NID2: variants seen among roughly 807,000 people sequenced by gnomAD.
The protein encoded by NID2 is nidogen-2.
NID2 carries 83 observed loss-of-function variants against 145.4 expected under a neutral mutation model. That is an observed-to-expected ratio of 0.57 (90% CI 0.48 to 0.69). The LOEUF (loss-of-function observed/expected upper bound fraction) is 0.69. Ranked by LOEUF, NID2 falls within the 30% of genes least tolerant of loss-of-function variation. The pLI, the probability that NID2 is intolerant of heterozygous loss-of-function variation, is 0.00. For missense variants in NID2, 1,807 were observed against 1,765.7 expected, an observed-to-expected ratio of 1.02 and a Z score of -0.42; for synonymous variants, 739 against 701.3, an observed-to-expected ratio of 1.05 and a Z score of -0.85.
rs1321854286 is a variant in NID2, at chr14:52,010,612, A to G, written c.3722+264T>C. ...CCCTAGTTCTCACAACACTATCTGA[A>G]TTTTCTACATATCACATCACAGACT... is the stretch of plus-strand genomic sequence containing the variant. On this transcript the variant is annotated intron_variant, in intron 18 of 21. Coordinates refer to ENST00000216286, the MANE Select transcript of NID2 (RefSeq NM_007361.4). 9.0e-6 allele frequency: 3 copies of G among 331,624 alleles called. No homozygotes were observed. The Admixed American group carries it at 1.2e-4, about 13-fold the overall frequency. The allele number at this position is 331,624 out of a possible 1,614,324, so 20.5% of individuals were successfully genotyped here.
chr14:52,004,911 G>GTGCCTCTATA lies in NID2; in HGVS notation c.*574_*575insTATAGAGGCA, dbSNP rs1890697012. 1 of 161,840 alleles carries GTGCCTCTATA rather than the reference G, an allele frequency of 6.2e-6. No individual in the cohort carries two copies. Among genetic ancestry groups the GTGCCTCTATA allele is most frequent in the African/African-American group, 2.4e-5 (1 of 41,752 alleles). 10.0% of individuals were successfully genotyped at this position (161,840 alleles called of 1,614,324 possible). A position where few individuals can be genotyped will look rare whatever the true frequency, so the allele number is the denominator to read the frequency against. The stretch of plus-strand genomic sequence containing the variant: ...TTTACTTTCTGTGGGTACTTCTATA[G>GTGCCTCTATA]AGGCACTACAGGATCAGAAAATGCA... On this transcript the variant is annotated 3_prime_UTR_variant, in exon 22 of 22. Coordinates refer to ENST00000216286, the MANE Select transcript of NID2 (RefSeq NM_007361.4).
At position 52,005,308 on chromosome 14, in the gene NID2, T is replaced by TAAAG. The variant is rs1890723039; in HGVS notation, c.*174_*177dup. Reference sequence around the variant, plus strand: ...ACCTTCATTTTTAAAAATACAGTAGTAAAGATTGAGGTATCAGCTTTTCAC... The same window carrying TAAAG: ...ACCTTCATTTTTAAAAATACAGTAGTAAAGAAAGATTGAGGTATCAGCTTTTCAC... On this transcript the variant is annotated 3_prime_UTR_variant, in exon 22 of 22. Transcript: ENST00000216286. The TAAAG allele has an allele frequency of 2.2e-6, 1 of 458,858 alleles. No individual in the cohort carries two copies. Among genetic ancestry groups the TAAAG allele is most frequent in the African/African-American group, 2.0e-5 (1 of 49,932 alleles). The allele number at this position is 458,858 out of a possible 1,614,324, so 28.4% of individuals were successfully genotyped here. A position where few individuals can be genotyped will look rare whatever the true frequency, so the allele number is the denominator to read the frequency against.
In NID2 at chr14:52,057,703, CAAAAAAAAAAAAA is replaced by C. The variant is rs5808649; in HGVS notation, c.767+2408_767+2420del. Among the ~76,000 whole-genome samples, 470 of 89,640 alleles carry C rather than the reference CAAAAAAAAAAAAA, an allele frequency of 5.2e-3. 13 individuals are homozygous for C. In the Admixed American group the frequency reaches 0.053, roughly 10 times the overall value. The allele number at this position is 89,640 out of a possible 152,430, so 58.8% of individuals were successfully genotyped here. On this transcript the variant is annotated intron_variant, in intron 3 of 21. Coordinates refer to ENST00000216286, the MANE Select transcript of NID2 (RefSeq NM_007361.4). The stretch of plus-strand genomic sequence containing the variant: ...GGGCGACAAGAGCGAACCTCCGTCT[CAAAAAAAAAAAAA>C]AAAAAAAAAAAGAAAAGAAAAAAAT...
chr14:52,033,806 A>G (rs1304231374), intron 9 of NID2, among the ~76,000 whole-genome samples: 1 of 152,196 alleles, frequency 6.6e-6, no homozygotes, highest in Non-Finnish European at 1.5e-5. Flanking sequence ...AAAGACACAC[A>G]TTGCCTCTTT....
intron 18 of NID2, chr14:52,009,994 A>C (rs1566740490): frequency 6.6e-6 from 1 of 152,064 alleles, no homozygotes; most frequent in Non-Finnish European, 1.5e-5. Context: ...CTCAAAAAAA[A>C]GAAAAAAAAA....
intron 5 of NID2, among the ~76,000 whole-genome samples, chr14:52,053,218 C>G (rs1892733353): frequency 6.6e-6 from 1 of 152,246 alleles, no homozygotes; most frequent in Non-Finnish European, 1.5e-5. Flanking sequence ...CCGTCCATCA[C>G]TGGAATGTGT....
intron 3 of NID2, among the ~76,000 whole-genome samples, chr14:52,059,830 T>C (rs1892966702): frequency 6.6e-6 from 1 of 152,246 alleles, no homozygotes; most frequent in African/African-American, 2.4e-5. Context: ...GATATTTTTA[T>C]GTGGTTCCAA....
At chr14:52,037,479 T>C (rs1892114838) in intron 9 of NID2, among the ~76,000 whole-genome samples, 1 of 152,184 alleles carries the variant, frequency 6.6e-6, no homozygotes, top group Non-Finnish European at 1.5e-5. Context: ...AATTGACTTT[T>C]AATGTGAGTA....
intron 2 of NID2, among the ~76,000 whole-genome samples, chr14:52,063,933 T>C (rs1055695555): frequency 2.0e-5 from 3 of 152,210 alleles, no homozygotes; most frequent in African/African-American, 7.2e-5. Context: ...TCCTTCCTGA[T>C]ACTCTTCAGC....
intron 5 of NID2, among the ~76,000 whole-genome samples, chr14:52,044,437 T>C (rs1017443431): frequency 9.9e-5 from 15 of 152,024 alleles, no homozygotes; most frequent in Middle Eastern, 3.4e-3. Context: ...GCCTGACTAA[T>C]TTTTTGTATT....
chr14:52,035,881 T>TA (rs1294844874), intron 9 of NID2, among the ~76,000 whole-genome samples: 2 of 49,528 alleles, frequency 4.0e-5, no homozygotes, highest in South Asian at 7.0e-4. Context: ...TATATATATG[T>TA]TTTATTTTGT....
chr14:52,045,718 A>G lies in NID2; in HGVS notation c.1430-2787T>C, dbSNP rs545494022. Among the ~76,000 whole-genome samples, 3 of 152,322 alleles carry G rather than the reference A, an allele frequency of 2.0e-5. No homozygotes were observed. The South Asian group carries it at 6.2e-4, about 32-fold the overall frequency. ...AATCTCAGGTTTCTCCAGCTCAGAA[A>G]TTCACAACTAAGTGTAAGGAAGCAG... On this transcript the variant is annotated intron_variant, in intron 5 of 21. Transcript: ENST00000216286.
chr14:52,056,366 T>C (rs558579748), intron 3 of NID2, among the ~76,000 whole-genome samples: 2 of 152,318 alleles, frequency 1.3e-5, no homozygotes, highest in Non-Finnish European at 1.5e-5. Flanking sequence ...TATTTTAAAA[T>C]CCAAGGTCAT....
rs60511209 is a variant in NID2, at chr14:52,027,005, G to C, written c.2674+196C>G. On this transcript the variant is annotated intron_variant, in intron 12 of 21. Transcript: ENST00000216286. ...TCCGCCAAGGAAGCCATATATGCTC[G>C]CCCATCTAGTCCAGAGGAAATCACC... Among the ~76,000 whole-genome samples, 1,358 of 152,244 alleles carry C rather than the reference G, an allele frequency of 8.9e-3. 26 individuals are homozygous for C. The highest frequency in any genetic ancestry group is 0.032 in the African/African-American group (1,314 of 41,520).
intron 9 of NID2, among the ~76,000 whole-genome samples, chr14:52,037,274 GTTTTGTC>G (rs1391137198): frequency 2.0e-5 from 3 of 151,796 alleles, no homozygotes; most frequent in African/African-American, 7.3e-5. Context: ...TTTTTGTTTT[GTTTTGTC>G]TTTTAACCAT....
intron 5 of NID2, among the ~76,000 whole-genome samples, chr14:52,047,530 C>A (rs1478369250): frequency 6.6e-6 from 1 of 152,060 alleles, no homozygotes; most frequent in Non-Finnish European, 1.5e-5. Flanking sequence ...GGGTTTCGAG[C>A]AGAAGAGTAA....
intron 19 of NID2, chr14:52,007,005 A>G (rs1219483415): frequency 1.8e-5 from 3 of 166,378 alleles, no homozygotes; most frequent in Admixed American, 1.7e-4. Context: ...TTTGTAAGCT[A>G]TGTCTATAAT....
chr14:52,015,321 G>A (rs1203730004), intron 14 of NID2, 46 bp from the exon 15 acceptor site: 2 of 1,540,182 alleles, frequency 1.3e-6, no homozygotes, highest in East Asian at 2.3e-5. Context: ...TTGATTGTGA[G>A]TCAAGGACAG....
Position 52,029,680 on chromosome 14 carries a change from G to C in NID2, c.2268C>G (p.Asp756Glu). ...CATAGCAAGGATTCCCCGGAGTGGG[G>C]TCTGAATCCTCTGCATGAGTAGAGG... ...NQIGPVKEDS[D>E]PTPGNPCYDG... Residue 756 changes from aspartate (D) to glutamate (E), a missense_variant, in exon 10 of 22, where the codon GAC (aspartate) becomes GAG (glutamate). Coordinates refer to ENST00000216286, the MANE Select transcript of NID2 (RefSeq NM_007361.4). 1 of 1,613,682 alleles carries C rather than the reference G, an allele frequency of 6.2e-7. No individual in the cohort carries two copies. Among genetic ancestry groups the C allele is most frequent in the African/African-American group, 1.3e-5 (1 of 75,036 alleles).
Sources: gnomAD v4.1 joint callset for allele counts (sites outside exome capture counted in the v4.1 genomes callset) on GRCh38, gnomAD v4.1.1 for gene constraint, MANE v1.5 for transcripts, NCBI Gene and HGNC (gene_info 2026-07-23, HGNC 2026-07-21) for gene names.